Variants in VTI1A observed in about 807,000 individuals in gnomAD.
VTI1A encodes the protein vesicle transport through interaction with t-SNAREs 1A.
A neutral mutation model predicts 34.9 loss-of-function variants in VTI1A; 22 were observed. The observed-to-expected ratio is 0.63, with a 90% CI of 0.45 to 0.90. The LOEUF (loss-of-function observed/expected upper bound fraction) is 0.90, where lower values mean the gene tolerates loss of function less well. Ranked by LOEUF, VTI1A falls within the 40% of genes least tolerant of loss-of-function variation. The pLI is 0.00. For missense variants in VTI1A, 268 were observed against 275.6 expected (o/e 0.97, Z 0.20); for synonymous variants, 87 against 97.3 (o/e 0.89, Z 0.62).
At chr10:112,733,020 C>T (rs1040084118) in intron 7 of VTI1A, among the ~76,000 whole-genome samples, 2 of 152,098 alleles carry the variant, frequency 1.3e-5, no homozygotes, top group Non-Finnish European at 2.9e-5. Flanking sequence ...GGAGTGTGTC[C>T]ACTGGGGACC....
At chr10:112,479,980 A>G (rs1393931193) in intron 3 of VTI1A, among the ~76,000 whole-genome samples, 1 of 152,186 alleles carries the variant, frequency 6.6e-6, no homozygotes, top group Non-Finnish European at 1.5e-5. Context: ...AAACTTTTCT[A>G]AAAGTATCTG....
intron 3 of VTI1A, among the ~76,000 whole-genome samples, chr10:112,489,975 T>C (rs1462453681): frequency 6.6e-6 from 1 of 152,214 alleles, no homozygotes; most frequent in Non-Finnish European, 1.5e-5. Context: ...GAGCCACCAT[T>C]CTAACGTCAA....
intron 7 of VTI1A, among the ~76,000 whole-genome samples, chr10:112,693,527 A>G (rs1035596733): frequency 1.3e-4 from 20 of 152,326 alleles, no homozygotes; most frequent in African/African-American, 3.9e-4. Flanking sequence ...AGTCTGGACA[A>G]CAATATTGAA....
Position 112,805,979 on chromosome 10 carries a change from C to A in VTI1A, c.561-9311C>A, listed in dbSNP as rs576746441. ...ACTATCTGGCCCTCTGCAGACAGAG[C>A]GTGCTGATTCCTGTTGAGCTAAGTA... is the stretch of plus-strand genomic sequence containing the variant. On this transcript the variant is annotated intron_variant, in intron 7 of 7. Transcript: ENST00000393077. 3.0e-4 allele frequency among the ~76,000 whole-genome samples: 45 copies of A among 152,284 alleles called. 1 individual carries two copies. Among genetic ancestry groups the A allele is most frequent in the Non-Finnish European group, 5.6e-4 (38 of 68,016 alleles).
chr10:112,603,673 AT>A (rs1844964421), intron 5 of VTI1A, among the ~76,000 whole-genome samples: 1 of 152,052 alleles, frequency 6.6e-6, no homozygotes, highest in African/African-American at 2.4e-5. Flanking sequence ...ATGCTCACAG[AT>A]TTCTTAGATA....
chr10:112,658,039 C>T (rs1442875005), intron 5 of VTI1A, among the ~76,000 whole-genome samples: 1 of 151,998 alleles, frequency 6.6e-6, no homozygotes, highest in African/African-American at 2.4e-5. Flanking sequence ...TGGAGATCTC[C>T]ACCTCCCAAC....
chr10:112,795,668 C>T (rs1005556830), intron 7 of VTI1A, among the ~76,000 whole-genome samples: 2 of 152,046 alleles, frequency 1.3e-5, no homozygotes, highest in African/African-American at 4.8e-5. Context: ...AACTCCTGAC[C>T]TCAGGTGATC....
At chr10:112,617,513 TAAC>T (rs965690539) in intron 5 of VTI1A, among the ~76,000 whole-genome samples, 120 of 152,150 alleles carry the variant, frequency 7.9e-4, no homozygotes, top group African/African-American at 2.7e-3. Context: ...AAAATAATAA[TAAC>T]AATATCTAAT....
rs534003940 is a variant in VTI1A at position 112,470,443 on chromosome 10, A to G, written c.264+5786A>G. On this transcript the variant is annotated intron_variant, in intron 3 of 7. Transcript: ENST00000393077. ...TATACTGTAGTGCAGAAAAGCATAG[A>G]GATTTGGAGTGTGGGAACAGGTTTT... 7.9e-5 allele frequency among the ~76,000 whole-genome samples: 12 copies of G among 152,282 alleles called. No individual in the cohort carries two copies. The East Asian group carries it at 2.1e-3, about 27-fold the overall frequency.
chr10:112,628,122 T>C (rs563685717), intron 5 of VTI1A, among the ~76,000 whole-genome samples: 11 of 152,358 alleles, frequency 7.2e-5, no homozygotes, highest in African/African-American at 2.4e-4. Context: ...CTCTAATTTA[T>C]GTACACACCT....
At chr10:112,557,628 T>C (rs2134319186) in intron 5 of VTI1A, among the ~76,000 whole-genome samples, 1 of 152,368 alleles carries the variant, frequency 6.6e-6, no homozygotes, top group East Asian at 1.9e-4. Flanking sequence ...GGACCATTTA[T>C]ATATGGTGGG....
chr10:112,525,188 T>C (rs1232911728), intron 3 of VTI1A, among the ~76,000 whole-genome samples: 1 of 152,180 alleles, frequency 6.6e-6, no homozygotes, highest in African/African-American at 2.4e-5. Context: ...GATGTAGATA[T>C]CTTTACTGAC....
At chr10:112,610,579 T>C (rs186114530) in intron 5 of VTI1A, among the ~76,000 whole-genome samples, 7 of 152,358 alleles carry the variant, frequency 4.6e-5, no homozygotes, top group African/African-American at 1.7e-4. Context: ...TTTGTTTTGC[T>C]TTGATAGCTT....
intron 7 of VTI1A, among the ~76,000 whole-genome samples, chr10:112,704,641 A>G (rs763411399): frequency 6.6e-6 from 1 of 152,192 alleles, no homozygotes; most frequent in Non-Finnish European, 1.5e-5. Context: ...TAGAAATTAC[A>G]GTGTTTCAAC....
intron 7 of VTI1A, among the ~76,000 whole-genome samples, chr10:112,772,291 C>G (rs542300440): frequency 6.6e-6 from 1 of 152,222 alleles, no homozygotes; most frequent in African/African-American, 2.4e-5. Context: ...ATTTGCATTT[C>G]ACGAGTCCTA....
In VTI1A at chr10:112,790,472, C is replaced by T. The variant is rs187525663; in HGVS notation, c.561-24818C>T. 9.2e-5 allele frequency among the ~76,000 whole-genome samples: 14 copies of T among 152,260 alleles called. No individual in the cohort carries two copies. The East Asian group carries it at 1.4e-3, about 15-fold the overall frequency. The stretch of plus-strand genomic sequence containing the variant: ...TCACATTTTTGGTTGGCCTGTTACC[C>T]GCCCCAACTAGGACTGTAACTTTAG... On this transcript the variant is annotated intron_variant, in intron 7 of 7. Coordinates refer to ENST00000393077, the MANE Select transcript of VTI1A (RefSeq NM_145206.4).
chr10:112,572,698 C>CTCTACTAAAAATACAAAAAATTA (rs1852180116), intron 5 of VTI1A, among the ~76,000 whole-genome samples: 1 of 151,882 alleles, frequency 6.6e-6, no homozygotes, highest in African/African-American at 2.4e-5. Context: ...ATTAGCCGGG[C>CTCTACTAAAAATACAAAAAATTA]GCGGTGGCGG....
rs544167592 is a variant in VTI1A, at chr10:112,755,325, GA to G, written c.561-59962del. 9.8e-5 allele frequency among the ~76,000 whole-genome samples: 15 copies of G among 152,300 alleles called. No individual in the cohort carries two copies. The East Asian group carries it at 2.9e-3, about 29-fold the overall frequency. ...TGTGACATATCTGCCACCCATAGCA[GA>G]AAGATGCCCGCTTGGGAAAGCAGAC... On this transcript the variant is annotated intron_variant, in intron 7 of 7. Transcript: ENST00000393077.
At chr10:112,543,204 C>G (rs184392285) in intron 5 of VTI1A, among the ~76,000 whole-genome samples, 3 of 151,818 alleles carry the variant, frequency 2.0e-5, no homozygotes, top group Non-Finnish European at 4.4e-5. Context: ...GTAATGGGAT[C>G]GCTGAGTCAA....
Sources: gnomAD v4.1 joint callset for allele counts (sites outside exome capture counted in the v4.1 genomes callset) on GRCh38, gnomAD v4.1.1 for gene constraint, MANE v1.5 for transcripts, NCBI Gene and HGNC (gene_info 2026-07-23, HGNC 2026-07-21) for gene names.